Variants in HDAC9 observed in about 807,000 individuals in gnomAD.
HDAC9 encodes the protein MEF-2 interacting transcription repressor (MITR) protein.
In HDAC9, 41 loss-of-function variants were observed where a neutral mutation model predicts 139.4. The observed-to-expected ratio is 0.29, with a 90% CI of 0.23 to 0.38. The LOEUF (loss-of-function observed/expected upper bound fraction) is 0.38, where lower values mean the gene tolerates loss of function less well. Among genes scored for constraint, HDAC9 ranks in the 10% least tolerant of loss-of-function variants. The pLI, the probability that HDAC9 is intolerant of heterozygous loss-of-function variation, is 1.00. For synonymous variants in HDAC9, 517 were observed against 476.2 expected (o/e 1.09, Z -1.12); for missense variants, 1,147 against 1,297.0 (o/e 0.88, Z 1.78).
At chr7:18,349,654 G>A (rs1782702005) in intron 1 of HDAC9, among the ~76,000 whole-genome samples, 3 of 151,002 alleles carry the variant, frequency 2.0e-5, no homozygotes. Flanking sequence ...TATCTTGGTG[G>A]TTACCCTAAT....
chr7:18,549,196 C>G (rs184893842), intron 2 of HDAC9, among the ~76,000 whole-genome samples: 9 of 152,262 alleles, frequency 5.9e-5, no homozygotes, highest in African/African-American at 2.2e-4. Flanking sequence ...TGAGATTGCA[C>G]CACTGCACTC....
chr7:18,503,511 G>T (rs1048861288), intron 2 of HDAC9, among the ~76,000 whole-genome samples: 17 of 152,134 alleles, frequency 1.1e-4, no homozygotes, highest in Non-Finnish European at 2.2e-4. Context: ...AATACTTCTT[G>T]TGTTTTTATA....
chr7:18,455,913 C>G (rs1465288510), intron 1 of HDAC9, among the ~76,000 whole-genome samples: 3 of 152,088 alleles, frequency 2.0e-5, no homozygotes, highest in African/African-American at 7.2e-5. Flanking sequence ...CAGCTATAAC[C>G]AGAAAACATT....
At chr7:18,597,820 C>G (rs1472268908) in intron 6 of HDAC9, among the ~76,000 whole-genome samples, 2 of 152,106 alleles carry the variant, frequency 1.3e-5, no homozygotes, top group Non-Finnish European at 2.9e-5. Context: ...TTAAAGTGCA[C>G]AAGCCATGTA....
intron 6 of HDAC9, among the ~76,000 whole-genome samples, chr7:18,623,120 G>A (rs981243121): frequency 4.7e-5 from 7 of 149,738 alleles, no homozygotes; most frequent in Non-Finnish European, 1.0e-4. Context: ...CTCCAGCCTG[G>A]GTGACAGAGT....
At chr7:18,835,757 CTGTT>C (rs1796192851) in intron 20 of HDAC9, 139 bp from the exon 21 acceptor site, 4 of 1,041,154 alleles carry the variant, frequency 3.8e-6, no homozygotes, top group Non-Finnish European at 5.8e-6. Flanking sequence ...ACCCAGAGCA[CTGTT>C]TGTCAGGGAA....
At chr7:18,285,633 C>T (rs140756457), upstream of HDAC9, among the ~76,000 whole-genome samples, 388 of 152,116 alleles carry the variant, frequency 2.6e-3, 3 homozygotes, top group African/African-American at 9.0e-3. Flanking sequence ...CTATTAGCAT[C>T]AATGATATAT....
intron 12 of HDAC9, among the ~76,000 whole-genome samples, chr7:18,720,537 C>T (rs1226649241): frequency 6.6e-6 from 1 of 151,342 alleles, no homozygotes; most frequent in East Asian, 1.9e-4. Context: ...GTTCATTTAT[C>T]TATCAGTGAA....
chr7:18,549,514 G>C (rs1251167590), intron 2 of HDAC9, among the ~76,000 whole-genome samples: 1 of 152,090 alleles, frequency 6.6e-6, no homozygotes, highest in Non-Finnish European at 1.5e-5. Context: ...AGCTTGGATG[G>C]ACCTCTAGGG....
intron 1 of HDAC9, among the ~76,000 whole-genome samples, chr7:18,468,764 A>G (rs1291897516): frequency 6.6e-6 from 1 of 152,214 alleles, no homozygotes; most frequent in Non-Finnish European, 1.5e-5. Flanking sequence ...ATCTGTAAAG[A>G]TGAGAAAGTA....
chr7:18,919,625 G>C (rs1803509857), intron 22 of HDAC9, among the ~76,000 whole-genome samples: 1 of 151,996 alleles, frequency 6.6e-6, no homozygotes, highest in Non-Finnish European at 1.5e-5. Flanking sequence ...AAGAGCACTT[G>C]AAAGGGAGGT....
intron 2 of HDAC9, among the ~76,000 whole-genome samples, chr7:18,170,795 A>G (rs538380584): frequency 1.3e-5 from 2 of 152,090 alleles, no homozygotes; most frequent in South Asian, 2.1e-4. Flanking sequence ...GTTCTGTTCC[A>G]TTGTTCTATA....
At chr7:18,653,098 C>T (rs1338732346) in intron 11 of HDAC9, among the ~76,000 whole-genome samples, 2 of 151,706 alleles carry the variant, frequency 1.3e-5, no homozygotes, top group South Asian at 2.1e-4. Flanking sequence ...ATTAGCCGGG[C>T]GTGGTGGTGC....
chr7:18,944,706 T>A (rs1016589375), intron 23 of HDAC9, among the ~76,000 whole-genome samples: 4 of 152,126 alleles, frequency 2.6e-5, no homozygotes, highest in African/African-American at 9.7e-5. Context: ...ATTCCTTTTC[T>A]AACTAGTATC....
intron 21 of HDAC9, among the ~76,000 whole-genome samples, chr7:18,837,006 G>T (rs2129211939): frequency 6.6e-6 from 1 of 152,082 alleles, no homozygotes; most frequent in South Asian, 2.1e-4. Flanking sequence ...TTTAATTAAT[G>T]AAGTTTTGGT....
chr7:18,990,626 G>GGT (rs1028860004), intron 25 of HDAC9, among the ~76,000 whole-genome samples: 3 of 151,946 alleles, frequency 2.0e-5, no homozygotes, highest in African/African-American at 7.3e-5. Flanking sequence ...GCTGGGCAAT[G>GGT]GCGGGCGCCC....
At position 18,640,224 on chromosome 7, in the gene HDAC9, C is replaced by T. The variant is rs191352757; in HGVS notation, c.913-4447C>T. Among the ~76,000 whole-genome samples the T allele has an allele frequency of 2.5e-3, 371 of 150,464 alleles. 1 individual carries two copies. The highest frequency in any genetic ancestry group is 2.6e-3 in the Non-Finnish European group (178 of 67,584). On this transcript the variant is annotated intron_variant, in intron 8 of 25. Transcript: ENST00000686413. ...ACGAGCCTGGGCAACATAGAAAGAC[C>T]CTGTCTCTACAGGGAGAAAAAAAAA... is the stretch of plus-strand genomic sequence containing the variant.
At chr7:18,205,499 T>C (rs1791438249) in intron 2 of HDAC9, among the ~76,000 whole-genome samples, 1 of 152,060 alleles carries the variant, frequency 6.6e-6, no homozygotes, top group Admixed American at 6.5e-5. Context: ...TATACTATAA[T>C]GCTACAAATC....
At chr7:18,427,987 G>A (rs1265576394) in intron 1 of HDAC9, among the ~76,000 whole-genome samples, 1 of 152,072 alleles carries the variant, frequency 6.6e-6, no homozygotes, top group African/African-American at 2.4e-5. Flanking sequence ...CATGCAGTAT[G>A]TGTCCTTCTG....
Sources: allele counts gnomAD v4.1 joint callset (sites outside exome capture counted in the v4.1 genomes callset), GRCh38; gene constraint gnomAD v4.1.1; transcripts MANE v1.5; gene names NCBI Gene and HGNC (gene_info 2026-07-23, HGNC 2026-07-21).